DND1: variants seen among roughly 807,000 people sequenced by gnomAD.
DND1 encodes DND microRNA-mediated repression inhibitor 1, also known as dead end protein homolog 1.
A neutral mutation model predicts 30.4 loss-of-function variants in DND1; 6 were observed. The ratio of observed to expected loss-of-function variants is 0.20; its 90% CI spans 0.11 to 0.39. The LOEUF is 0.39. Ranked by LOEUF, DND1 falls within the 10% of genes least tolerant of loss-of-function variation. The pLI is 1.00. For missense variants in DND1, 358 were observed against 474.9 expected (o/e 0.75, Z 2.29); for synonymous variants, 178 against 210.4 (o/e 0.85, Z 1.33).
chr5:140,672,519 G>T lies in DND1; in HGVS notation c.530C>A (p.Ala177Glu). ...EARLLPSPGP[A>E]PGQIALLKFS... ...TTTGAGCAGAGCGATCTGCCCGGGC[G>T]CCGGTCCGGGGCTGGGCAGCAGCCG... is the stretch of plus-strand genomic sequence containing the variant. Residue 177 changes from alanine (A) to glutamate (E), a missense_variant, in exon 3 of 4, where the codon GCG (alanine) becomes GAG (glutamate). Physicochemically the swap from Ala to Glu is moderately radical, Grantham distance 107 (BLOSUM62 -1). Coordinates refer to ENST00000542735, the MANE Select transcript of DND1 (RefSeq NM_194249.3). 1 of 1,593,774 alleles carries T rather than the reference G, an allele frequency of 6.3e-7. No individual in the cohort carries two copies. Among genetic ancestry groups the T allele is most frequent in the Non-Finnish European group, 8.5e-7 (1 of 1,173,758 alleles).
rs1758119391 is a variant in DND1, at chr5:140,672,664, G to C, written c.385C>G (p.Leu129Val). 1.3e-6 allele frequency: 2 copies of C among 1,575,192 alleles called. No individual in the cohort carries two copies. The highest frequency in any genetic ancestry group is 1.7e-6 in the Non-Finnish European group (2 of 1,168,812). Residue 129 changes from leucine to valine, a missense_variant, in exon 3 of 4, where the codon CTG (leucine) becomes GTG (valine). Coordinates refer to ENST00000542735, the MANE Select transcript of DND1 (RefSeq NM_194249.3). Reference sequence around the variant, plus strand: ...TTCTCGGTGCTGCGGCACACGAGCAGCGGGCAGGACGGCCGCAGCGGATGG... The same window carrying C: ...TTCTCGGTGCTGCGGCACACGAGCACCGGGCAGGACGGCCGCAGCGGATGG... ...HNHPLRPSCP[L>V]LVCRSTEKCE...
Position 140,672,526 on chromosome 5 carries a change from C to T in DND1, c.523G>A (p.Gly175Arg), listed in dbSNP as rs749478856. The T allele has an allele frequency of 1.8e-5, 29 of 1,592,108 alleles. No homozygotes were observed. The East Asian group carries it at 6.3e-4, about 35-fold the overall frequency. Reference sequence around the variant, plus strand: ...AGAGCGATCTGCCCGGGCGCCGGTCCGGGGCTGGGCAGCAGCCGCGCCTCC... The same window carrying T: ...AGAGCGATCTGCCCGGGCGCCGGTCTGGGGCTGGGCAGCAGCCGCGCCTCC... ...LQEARLLPSP[G>R]PAPGQIALLK... Residue 175 changes from glycine to arginine, a missense_variant, in exon 3 of 4, where the codon GGA becomes AGA. Transcript: ENST00000542735.
chr5:140,673,365 T>A lies in DND1; in HGVS notation c.48A>T (p.Pro16=), dbSNP rs755794543. 6.2e-7 allele frequency: 1 copy of A among 1,614,122 alleles called. No individual in the cohort carries two copies. The highest frequency in any genetic ancestry group is 1.7e-5 in the Admixed American group (1 of 60,028). The change falls in exon 2 of 4, where the codon CCA becomes CCT. Residue 16 remains proline, a synonymous_variant. Transcript: ENST00000542735. The stretch of plus-strand genomic sequence containing the variant: ...ACGCCTCCAGCGCCGCCTTGTTCTC[T>A]GGATTCACCCTCTCACACCACAGCT... ...DCELWCERVN[P]ENKAALEAWV...
chr5:140,672,500 C>T lies in DND1; in HGVS notation c.549G>A (p.Leu183=), dbSNP rs368366843. 11 of 1,602,442 alleles carry T rather than the reference C, an allele frequency of 6.9e-6. No homozygotes were observed. Among genetic ancestry groups the T allele is most frequent in the South Asian group, 4.4e-5 (4 of 90,106 alleles). ...SPGPAPGQIA[L]LKFSSHRAAA... ...CGGCCCGGTGCGAGCTGAATTTGAG[C>T]AGAGCGATCTGCCCGGGCGCCGGTC... The change falls in exon 3 of 4, where the codon CTG becomes CTA. Residue 183 remains leucine (L), a synonymous_variant. Coordinates refer to ENST00000542735, the MANE Select transcript of DND1 (RefSeq NM_194249.3).
intron 2 of DND1, 133 bp downstream of exon 2, chr5:140,673,138 G>A (rs543154179): frequency 3.1e-4 from 353 of 1,134,318 alleles, no homozygotes; most frequent in Middle Eastern, 1.7e-3. Flanking sequence ...TGGACGTGGA[G>A]CCACAGTTCC....
rs1448658266 is a variant in DND1, at chr5:140,671,157, C to G, written c.*136G>C. ...CAGGTGCCATAGGTCCCTGTCCCAG[C>G]AGGGAGGCTGATGGGCCTGGGCCCA... On this transcript the variant is annotated 3_prime_UTR_variant, in exon 4 of 4. Transcript: ENST00000542735. 3.5e-6 allele frequency: 4 copies of G among 1,136,600 alleles called. No homozygotes were observed. The East Asian group carries it at 7.4e-5, about 21-fold the overall frequency. The allele number at this position is 1,136,600 out of a possible 1,614,324, so 70.4% of individuals were successfully genotyped here. A position where few individuals can be genotyped will look rare whatever the true frequency, so the allele number is the denominator to read the frequency against.
Position 140,671,205 on chromosome 5 carries a change from T to A in DND1, c.*88A>T. 1 of 1,555,260 alleles carries A rather than the reference T, an allele frequency of 6.4e-7. No homozygotes were observed. Among genetic ancestry groups the A allele is most frequent in the South Asian group, 1.1e-5 (1 of 89,276 alleles). ...CCATGCCCCTCCCCACCTTTGGGGG[T>A]CAGAAAGTGGCCACCCAGGCCTGCT... On this transcript the variant is annotated 3_prime_UTR_variant, in exon 4 of 4. Coordinates refer to ENST00000542735, the MANE Select transcript of DND1 (RefSeq NM_194249.3).
rs938329117 is a variant in DND1, at chr5:140,671,000, G to T, written c.*293C>A. ...AGATTCATGCTAAGCTGTGGCAGAG[G>T]GGGGAAGGTATGATCGGGTGGGGGT... On this transcript the variant is annotated 3_prime_UTR_variant, in exon 4 of 4. Coordinates refer to ENST00000542735, the MANE Select transcript of DND1 (RefSeq NM_194249.3). 5.8e-6 allele frequency: 3 copies of T among 518,726 alleles called. No homozygotes were observed. The highest frequency in any genetic ancestry group is 3.2e-5 in the Admixed American group (1 of 31,310). The allele number at this position is 518,726 out of a possible 1,614,324, so 32.1% of individuals were successfully genotyped here. A position where few individuals can be genotyped will look rare whatever the true frequency, so the allele number is the denominator to read the frequency against.
intron 3 of DND1, chr5:140,672,062 T>C (rs1433481809): frequency 1.8e-6 from 1 of 560,086 alleles, no homozygotes; most frequent in African/African-American, 1.9e-5. Flanking sequence ...CTAAGTACCG[T>C]ACACCCATTA....
At position 140,671,559 on chromosome 5, in the gene DND1, T is replaced by C. The variant is rs1758075351; in HGVS notation, c.796A>G (p.Met266Val). ...RATLQLLCQR[M>V]KLGSPVFLTK... ...AGGAACACAGGGCTGCCCAGCTTCATTCGTTGGCACAGCAACTGCAGGGTA... is the reference window on the plus strand; with the variant it reads ...AGGAACACAGGGCTGCCCAGCTTCACTCGTTGGCACAGCAACTGCAGGGTA... The change falls in exon 4 of 4, where the codon ATG becomes GTG. Residue 266 changes from methionine to valine, a missense_variant. Met to Val is a conservative substitution (Grantham distance 21). Transcript: ENST00000542735. 3 of 1,567,464 alleles carry C rather than the reference T, an allele frequency of 1.9e-6. No homozygotes were observed. Among genetic ancestry groups the C allele is most frequent in the Non-Finnish European group, 2.6e-6 (3 of 1,157,458 alleles).
chr5:140,671,018 G>A lies in DND1; in HGVS notation c.*275C>T. 1 of 555,556 alleles carries A rather than the reference G, an allele frequency of 1.8e-6. No homozygotes were observed. The highest frequency in any genetic ancestry group is 2.1e-5 in the South Asian group (1 of 48,730). The allele number at this position is 555,556 out of a possible 1,614,324, so 34.4% of individuals were successfully genotyped here. A position where few individuals can be genotyped will look rare whatever the true frequency, so the allele number is the denominator to read the frequency against. On this transcript the variant is annotated 3_prime_UTR_variant, in exon 4 of 4. Coordinates refer to ENST00000542735, the MANE Select transcript of DND1 (RefSeq NM_194249.3). ...GGCAGAGGGGGGAAGGTATGATCGG[G>A]TGGGGGTGGGACAAGGAACGGCCAT... is the stretch of plus-strand genomic sequence containing the variant.
rs745930496 is a variant in DND1, at chr5:140,672,061, G to C, written c.605-311C>G. 7.2e-6 allele frequency: 4 copies of C among 558,208 alleles called. No homozygotes were observed. In the South Asian group the frequency reaches 8.3e-5, roughly 12 times the overall value. The allele number at this position is 558,208 out of a possible 1,614,324, so 34.6% of individuals were successfully genotyped here. A position where few individuals can be genotyped will look rare whatever the true frequency, so the allele number is the denominator to read the frequency against. On this transcript the variant is annotated intron_variant, in intron 3 of 3. Transcript: ENST00000542735. The stretch of plus-strand genomic sequence containing the variant: ...TAAGTCAGTCAGTGTGCTAAGTACC[G>C]TACACCCATTATGTTACTTAATTCT...
chr5:140,672,859 G>A lies in DND1; in HGVS notation c.190C>T (p.Arg64Trp), dbSNP rs769657267. The A allele has an allele frequency of 1.3e-6, 2 of 1,542,672 alleles. No homozygotes were observed. The highest frequency in any genetic ancestry group is 1.2e-5 in the South Asian group (1 of 84,498). ...TGCTCGTACACGTCCTGAGGCAGCC[G>A]CCCGATGAACACCTCTGACCCAGCT... ...PPAGSEVFIG[R>W]LPQDVYEHQL... The change falls in exon 3 of 4, where the codon CGG (arginine) becomes TGG (tryptophan). Residue 64 changes from arginine (R) to tryptophan (W), a missense_variant. Arg to Trp is a moderately radical substitution (Grantham distance 101). Coordinates refer to ENST00000542735, the MANE Select transcript of DND1 (RefSeq NM_194249.3).
chr5:140,672,363 TTGTAAC>T, intron 3 of DND1, 76 bp downstream of exon 3: 1 of 1,413,372 alleles, frequency 7.1e-7, no homozygotes, highest in Non-Finnish European at 9.6e-7. Context: ...CTCTAAGATC[TTGTAAC>T]TTTAACAGCT....
chr5:140,670,927 T>TC lies in DND1; in HGVS notation c.*365dup, dbSNP rs989666939. ...CTGACCCCTTTGGCTCAGCTGCCCTTCCCCACAAATAAAAACCAACAAAGA... is the reference window on the plus strand; with the variant it reads ...CTGACCCCTTTGGCTCAGCTGCCCTTCCCCCACAAATAAAAACCAACAAAGA... On this transcript the variant is annotated 3_prime_UTR_variant, in exon 4 of 4. Transcript: ENST00000542735. 4.4e-5 allele frequency: 13 copies of TC among 298,526 alleles called. No homozygotes were observed. The highest frequency in any genetic ancestry group is 2.5e-4 in the African/African-American group (11 of 44,240). 18.5% of individuals were successfully genotyped at this position (298,526 alleles called of 1,614,324 possible). A position where few individuals can be genotyped will look rare whatever the true frequency, so the allele number is the denominator to read the frequency against.
chr5:140,671,546 C>T lies in DND1; in HGVS notation c.809G>A (p.Ser270Asn), dbSNP rs1758075144. The T allele has an allele frequency of 1.3e-6, 2 of 1,568,688 alleles. No homozygotes were observed. The highest frequency in any genetic ancestry group is 1.4e-5 in the African/African-American group (1 of 73,558). Reference protein sequence around the residue: ...QLLCQRMKLGSPVFLTKCLGI... With the variant: ...QLLCQRMKLGNPVFLTKCLGI... ...CAAACACTTGGTGAGGAACACAGGG[C>T]TGCCCAGCTTCATTCGTTGGCACAG... The change falls in exon 4 of 4, where the codon AGC becomes AAC. Residue 270 changes from serine (S) to asparagine (N), a missense_variant. Ser to Asn is a conservative substitution (Grantham distance 46, BLOSUM62 1). Around this residue, in one of 3 missense-constraint regions of DND1, gnomAD observed 176 missense variants for 235.2 expected, o/e 0.75. Transcript: ENST00000542735.
chr5:140,671,929 A>G (rs1289067902), intron 3 of DND1, 179 bp from the exon 4 acceptor site: 1 of 692,094 alleles, frequency 1.4e-6, no homozygotes, highest in Non-Finnish European at 2.5e-6. Flanking sequence ...AAGGGAGTAT[A>G]ACACACTGCT....
rs199564657 is a variant in DND1, at chr5:140,673,266, C to G, written c.142+5G>C. 6.2e-7 allele frequency: 1 copy of G among 1,613,188 alleles called. No individual in the cohort carries two copies. The highest frequency in any genetic ancestry group is 1.1e-5 in the South Asian group (1 of 91,056). On this transcript the variant is annotated splice_donor_5th_base_variant and intron_variant, in intron 2 of 3. Coordinates refer to ENST00000542735, the MANE Select transcript of DND1 (RefSeq NM_194249.3). The stretch of plus-strand genomic sequence containing the variant: ...GGACAGGCGGAGGGGCTGGGACTAC[C>G]GTACCTGGGGGTGGCCCGCCATACT...
At position 140,671,327 on chromosome 5, in the gene DND1, G is replaced by A; in HGVS notation, c.1028C>T (p.Ala343Val). 2 of 1,612,912 alleles carry A rather than the reference G, an allele frequency of 1.2e-6. No individual in the cohort carries two copies. The highest frequency in any genetic ancestry group is 1.7e-6 in the Non-Finnish European group (2 of 1,179,958). Residue 343 changes from alanine to valine, a missense_variant, in exon 4 of 4, where the codon GCT (alanine) becomes GTT (valine). Physicochemically the swap from Ala to Val is moderately conservative, Grantham distance 64. Transcript: ENST00000542735. ...AACCATGGTACCTGCCTCAGCCCCA[G>A]CAGACCACAGGAGGTTGGCCCCAGA... ...SESGANLLWSAGAEAGTMVKQ is the reference protein window; with the variant it reads ...SESGANLLWSVGAEAGTMVKQ
Sources: gnomAD v4.1 joint callset for allele counts on GRCh38, gnomAD v4.1.1 for gene constraint, gnomAD v4.1.1 regional missense constraint, MANE v1.5 for transcripts, NCBI Gene and HGNC (gene_info 2026-07-23, HGNC 2026-07-21) for gene names.